SLC5A4: variants seen among roughly 807,000 people sequenced by gnomAD.
SLC5A4 encodes the protein solute carrier family 5 member 4, also known as probable glucose sensor protein SLC5A4.
Under a neutral mutation model 70.3 loss-of-function variants are expected in SLC5A4, and 55 were observed. The ratio of observed to expected loss-of-function variants is 0.78; its 90% CI spans 0.63 to 0.98. The LOEUF is 0.98. Ranked by LOEUF, SLC5A4 falls within the 50% of genes least tolerant of loss-of-function variation. The pLI, the probability that SLC5A4 is intolerant of heterozygous loss-of-function variation, is 0.00. For missense variants in SLC5A4, 735 were observed against 839.2 expected, an observed-to-expected ratio of 0.88 and a Z score of 1.53; for synonymous variants, 268 against 305.7, an observed-to-expected ratio of 0.88 and a Z score of 1.29.
the SLC5A4 span, among the ~76,000 whole-genome samples, chr22:32,340,123 C>G: frequency 7.5e-6 from 1 of 132,594 alleles, no homozygotes; most frequent in Non-Finnish European, 1.6e-5. Flanking sequence ...TGTGCGTTTC[C>G]CAGGAATCTC....
At chr22:32,339,543 G>A in the SLC5A4 span, among the ~76,000 whole-genome samples, 5 of 152,154 alleles carry the variant, frequency 3.3e-5, no homozygotes, top group South Asian at 2.1e-4. Flanking sequence ...AAAACTAAGC[G>A]TGGGTGTTGT....
intron 13 of SLC5A4, among the ~76,000 whole-genome samples, 163 bp downstream of exon 13, chr22:32,224,104 T>C (rs1444580326): frequency 6.6e-6 from 1 of 152,180 alleles, no homozygotes; most frequent in Non-Finnish European, 1.5e-5. Flanking sequence ...GTATTTTTAG[T>C]AGAGACAAGG....
the SLC5A4 span, among the ~76,000 whole-genome samples, chr22:32,343,552 A>G: frequency 1.9e-4 from 29 of 152,216 alleles, no homozygotes; most frequent in Admixed American, 1.3e-3. Context: ...TCTATGCTAC[A>G]TGAAAACATA....
At chr22:32,282,360 TCTCTCTCCTTG>T in the SLC5A4 span, among the ~76,000 whole-genome samples, 1 of 152,018 alleles carries the variant, frequency 6.6e-6, no homozygotes, top group South Asian at 2.1e-4. Context: ...CTGGCTAGTC[TCTCTCTCCTTG>T]CTGGCCTCTC....
chr22:32,330,854 T>A, the SLC5A4 span, among the ~76,000 whole-genome samples: 1 of 126,706 alleles, frequency 7.9e-6, no homozygotes, highest in African/African-American at 3.0e-5. Flanking sequence ...GGGGCTCTGG[T>A]GTGTAGGTGT....
chr22:32,340,910 T>C, the SLC5A4 span, among the ~76,000 whole-genome samples: 3 of 152,170 alleles, frequency 2.0e-5, no homozygotes, highest in Non-Finnish European at 4.4e-5. Context: ...CAGGGAGACA[T>C]GCGGAGGCGG....
the SLC5A4 span, among the ~76,000 whole-genome samples, chr22:32,334,037 ACAC>A: frequency 3.4e-5 from 5 of 149,006 alleles, no homozygotes; most frequent in Admixed American, 3.3e-4. Flanking sequence ...ATGCACACAC[ACAC>A]ACCATGCCAC....
At chr22:32,343,540 A>G in the SLC5A4 span, among the ~76,000 whole-genome samples, 1 of 151,988 alleles carries the variant, frequency 6.6e-6, no homozygotes, top group African/African-American at 2.4e-5. Flanking sequence ...CAACCTCCAG[A>G]CTCTATGCTA....
At chr22:32,239,205 T>G (rs973268502) in intron 5 of SLC5A4, 115 bp from the exon 6 acceptor site, 8 of 764,114 alleles carry the variant, frequency 1.0e-5, no homozygotes, top group Non-Finnish European at 1.5e-5. Context: ...CTACTTACCC[T>G]TCAAGAATCC....
chr22:32,309,718 GCTC>G, the SLC5A4 span, among the ~76,000 whole-genome samples: 1 of 151,912 alleles, frequency 6.6e-6, no homozygotes, highest in Admixed American at 6.6e-5. Context: ...TCACCCCTCG[GCTC>G]CTCCATGAGA....
chr22:32,242,268 G>C (rs1433587046), intron 5 of SLC5A4, among the ~76,000 whole-genome samples: 1 of 152,154 alleles, frequency 6.6e-6, no homozygotes, highest in Non-Finnish European at 1.5e-5. Context: ...GTGACTCCAG[G>C]ACTGGAGCAG....
In SLC5A4 at chr22:32,239,059, T is replaced by G; in HGVS notation, c.509A>C (p.Lys170Thr). Residue 170 changes from lysine (K) to threonine (T), a missense_variant, in exon 6 of 15, where the codon AAG becomes ACG. Coordinates refer to ENST00000266086, the MANE Select transcript of SLC5A4 (RefSeq NM_014227.3). ...GTAAAGGTCCAATCCCAAGGCCAGC[T>G]TGATGAATATGGCTCCAGCAAATAT... ...ADIFAGAIFI[K>T]LALGLDLYLA... 2 of 1,614,026 alleles carry G rather than the reference T, an allele frequency of 1.2e-6. No homozygotes were observed. The highest frequency in any genetic ancestry group is 1.7e-6 in the Non-Finnish European group (2 of 1,179,934).
At chr22:32,309,413 G>A in the SLC5A4 span, among the ~76,000 whole-genome samples, 1 of 152,130 alleles carries the variant, frequency 6.6e-6, no homozygotes, top group Admixed American at 6.5e-5. Flanking sequence ...GTGATGGACA[G>A]AAGCTCACAG....
the SLC5A4 span, among the ~76,000 whole-genome samples, chr22:32,321,302 C>T: frequency 0.058 from 8,139 of 140,990 alleles, 372 homozygotes; most frequent in Admixed American, 0.16. Context: ...AAATACAAAA[C>T]TTAGCCAGGC....
the SLC5A4 span, among the ~76,000 whole-genome samples, chr22:32,285,800 G>A: frequency 6.6e-6 from 1 of 151,316 alleles, no homozygotes; most frequent in Non-Finnish European, 1.5e-5. Flanking sequence ...GCAGCGGCGC[G>A]ATCTCGGCTC....
intron 5 of SLC5A4, among the ~76,000 whole-genome samples, chr22:32,239,568 ATTT>A (rs1926354965): frequency 3.8e-5 from 1 of 26,472 alleles, no homozygotes; most frequent in African/African-American, 1.6e-4. Context: ...ATATATATAT[ATTT>A]ATATATATAT....
At chr22:32,318,395 A>T in the SLC5A4 span, among the ~76,000 whole-genome samples, 1 of 152,032 alleles carries the variant, frequency 6.6e-6, no homozygotes, top group African/African-American at 2.4e-5. Context: ...CAAACTTAAT[A>T]TATCCCAAAC....
chr22:32,336,235 C>G, the SLC5A4 span, among the ~76,000 whole-genome samples: 1 of 152,118 alleles, frequency 6.6e-6, no homozygotes, highest in Non-Finnish European at 1.5e-5. Flanking sequence ...ATTACTCTTG[C>G]TGCAGCTCAG....
the SLC5A4 span, among the ~76,000 whole-genome samples, chr22:32,340,537 G>A: frequency 6.6e-6 from 1 of 152,244 alleles, no homozygotes; most frequent in Non-Finnish European, 1.5e-5. Context: ...CAAGGCAGCT[G>A]AAGGAGGACA....
Sources: gnomAD v4.1 joint callset for allele counts (sites outside exome capture counted in the v4.1 genomes callset) on GRCh38, gnomAD v4.1.1 for gene constraint, MANE v1.5 for transcripts, NCBI Gene and HGNC (gene_info 2026-07-23, HGNC 2026-07-21) for gene names.